Variants in RBFOX1 observed in about 807,000 individuals in gnomAD.
The protein encoded by RBFOX1 is RNA binding protein fox-1 homolog 1.
A neutral mutation model predicts 57.7 loss-of-function variants in RBFOX1; 8 were observed. The observed-to-expected ratio is 0.14, with a 90% CI of 0.08 to 0.25. The LOEUF is 0.25. Ranked by LOEUF, RBFOX1 falls within the 10% of genes least tolerant of loss-of-function variation. The pLI is 1.00. For synonymous variants in RBFOX1, 326 were observed against 222.4 expected, an observed-to-expected ratio of 1.47 and a Z score of -4.15; for missense variants, 611 against 548.5, an observed-to-expected ratio of 1.11 and a Z score of -1.14.
intron 4 of RBFOX1, among the ~76,000 whole-genome samples, chr16:7,360,765 T>G (rs1414508240): frequency 1.3e-5 from 2 of 152,194 alleles, no homozygotes; most frequent in Non-Finnish European, 2.9e-5. Flanking sequence ...TTCCTATCTG[T>G]GTTGGCCAAG....
chr16:6,323,513 T>G (rs2082040350), intron 2 of RBFOX1, among the ~76,000 whole-genome samples: 1 of 152,138 alleles, frequency 6.6e-6, no homozygotes. Context: ...TTGAGTTGAA[T>G]GAATTTGTGC....
At chr16:7,310,288 G>GT (rs2096279146) in intron 4 of RBFOX1, among the ~76,000 whole-genome samples, 4 of 152,234 alleles carry the variant, frequency 2.6e-5, no homozygotes, top group African/African-American at 4.8e-5. Context: ...AGCTTGTGTG[G>GT]TTGGAATGTC....
At chr16:6,103,381 A>G (rs1180043919) in intron 1 of RBFOX1, among the ~76,000 whole-genome samples, 1 of 152,204 alleles carries the variant, frequency 6.6e-6, no homozygotes, top group Non-Finnish European at 1.5e-5. Flanking sequence ...TATGTAAGAT[A>G]TCTAACATAT....
At chr16:7,491,509 A>G (rs1473049922) in intron 4 of RBFOX1, among the ~76,000 whole-genome samples, 2 of 151,650 alleles carry the variant, frequency 1.3e-5, no homozygotes, top group Non-Finnish European at 2.9e-5. Flanking sequence ...TTCCTTTGAG[A>G]GATCACTTGG....
At chr16:6,863,326 G>A (rs2059337109) in intron 3 of RBFOX1, among the ~76,000 whole-genome samples, 1 of 152,072 alleles carries the variant, frequency 6.6e-6, no homozygotes, top group African/African-American at 2.4e-5. Flanking sequence ...TGAATGGGTA[G>A]AGACAAAACG....
intron 2 of RBFOX1, among the ~76,000 whole-genome samples, chr16:6,501,242 A>C: frequency 6.8e-6 from 1 of 146,342 alleles, no homozygotes; most frequent in Non-Finnish European, 1.5e-5. Context: ...TGCACCCATC[A>C]ACTCTTCATT....
intron 4 of RBFOX1, among the ~76,000 whole-genome samples, chr16:7,154,384 C>T (rs1012116079): frequency 1.3e-5 from 2 of 152,166 alleles, no homozygotes; most frequent in African/African-American, 2.4e-5. Flanking sequence ...GTGTGACACA[C>T]ATTTCATGTG....
At chr16:5,506,089 C>G (rs1337832878) in intron 2 of RBFOX1, among the ~76,000 whole-genome samples, 2 of 152,160 alleles carry the variant, frequency 1.3e-5, no homozygotes. Context: ...CTTCCCTTGC[C>G]TTTGAGCCCA....
At chr16:5,599,318 G>T (rs918611333) in exon 3 of RBFOX1, 3 of 620,424 alleles carry the variant, frequency 4.8e-6, no homozygotes, top group Non-Finnish European at 8.6e-6. Flanking sequence ...CGTGAAAGAA[G>T]TCGAATGTCA....
At chr16:5,352,674 G>A (rs1160464845) in intron 1 of RBFOX1, among the ~76,000 whole-genome samples, 1 of 151,996 alleles carries the variant, frequency 6.6e-6, no homozygotes, top group African/African-American at 2.4e-5. Context: ...TGGTCACGGT[G>A]GCTCATACTT....
rs1176514246 is a variant in RBFOX1 at position 7,029,240 on chromosome 16, ACG to A, written c.-15-22816_-15-22815del. Reference sequence around the variant, plus strand: ...TATATACACACATATATATACGTATACGTATATATATACACACATATATATAC... The same window carrying A: ...TATATACACACATATATATACGTATATATATATATACACACATATATATAC... On this transcript the variant is annotated intron_variant, in intron 3 of 15. Coordinates refer to ENST00000550418, the MANE Select transcript of RBFOX1 (RefSeq NM_018723.4). Among the ~76,000 whole-genome samples, 30 of 67,632 alleles carry A rather than the reference ACG, an allele frequency of 4.4e-4. 3 individuals are homozygous for A. The highest frequency in any genetic ancestry group is 2.2e-3 in the African/African-American group (27 of 12,288). 44.4% of individuals were successfully genotyped at this position (67,632 alleles called of 152,430 possible).
At chr16:5,601,119 C>G (rs1325863250), downstream of RBFOX1, 3 of 152,224 alleles carry the variant, frequency 2.0e-5, no homozygotes, top group African/African-American at 7.2e-5. Context: ...TTGCCCGTGA[C>G]AGTTACACTG....
At chr16:7,116,748 G>A (rs1342647006) in intron 4 of RBFOX1, among the ~76,000 whole-genome samples, 1 of 152,120 alleles carries the variant, frequency 6.6e-6, no homozygotes, top group Non-Finnish European at 1.5e-5. Flanking sequence ...TGTCCGACCT[G>A]CATTTGGATG....
At chr16:5,672,058 C>A (rs953154292) in intron 3 of RBFOX1, among the ~76,000 whole-genome samples, 1 of 152,144 alleles carries the variant, frequency 6.6e-6, no homozygotes, top group African/African-American at 2.4e-5. Context: ...AAAAGGGGTG[C>A]AACTTTCTTG....
chr16:7,609,803 TTTTG>T (rs138776547), intron 10 of RBFOX1, among the ~76,000 whole-genome samples: 95 of 150,174 alleles, frequency 6.3e-4, no homozygotes, highest in Middle Eastern at 3.4e-3. Context: ...ACTGGTGGGG[TTTTG>T]TTTGTTTGTT....
intron 1 of RBFOX1, among the ~76,000 whole-genome samples, chr16:5,301,147 A>T (rs1188020951): frequency 6.6e-6 from 1 of 152,168 alleles, no homozygotes; most frequent in African/African-American, 2.4e-5. Context: ...TTACAGAAAG[A>T]CCGTTGCTTC....
chr16:6,403,896 G>T lies in RBFOX1; in HGVS notation c.-64+86839G>T, dbSNP rs1325109312. On this transcript the variant is annotated intron_variant, in intron 2 of 15. Transcript: ENST00000550418. The stretch of plus-strand genomic sequence containing the variant: ...TAAGGGTGGGGTCCTGATTCAATAG[G>T]ACTGGTGGCATTATAAGAAGAGGAA... Among the ~76,000 whole-genome samples the T allele has an allele frequency of 2.0e-5, 3 of 152,130 alleles. No individual in the cohort carries two copies. The East Asian group carries it at 5.8e-4, about 29-fold the overall frequency.
chr16:5,407,256 C>G (rs1596903099), intron 1 of RBFOX1, among the ~76,000 whole-genome samples: 1 of 152,172 alleles, frequency 6.6e-6, no homozygotes, highest in African/African-American at 2.4e-5. Flanking sequence ...ATCCAGTCCC[C>G]TCCCACCAGG....
chr16:6,848,827 A>G (rs1042153673), intron 3 of RBFOX1, among the ~76,000 whole-genome samples: 7 of 152,208 alleles, frequency 4.6e-5, no homozygotes, highest in African/African-American at 1.4e-4. Context: ...CAGGCCAGTG[A>G]TTAGTGTCAG....
Sources: allele counts gnomAD v4.1 joint callset (sites outside exome capture counted in the v4.1 genomes callset), GRCh38; gene constraint gnomAD v4.1.1; transcripts MANE v1.5; gene names NCBI Gene and HGNC (gene_info 2026-07-23, HGNC 2026-07-21).